The following PURA variants were observed in gnomAD, a reference collection of about 807,000 sequenced individuals.
The protein encoded by PURA is purine rich element binding protein A.
Under a neutral mutation model 23.1 loss-of-function variants are expected in PURA, and 2 were observed. The ratio of observed to expected loss-of-function variants is 0.09; its 90% CI spans 0.04 to 0.27. PURA has a LOEUF of 0.27. Ranked by LOEUF, PURA falls within the 10% of genes least tolerant of loss-of-function variation. The pLI is 1.00. For missense variants in PURA, 187 were observed against 449.7 expected (o/e 0.42, Z 5.28); for synonymous variants, 254 against 205.9 (o/e 1.23, Z -2.00).
rs529708511 is a variant in PURA, at chr5:140,118,009, G to C, written c.*2859G>C. 2 of 166,612 alleles carry C rather than the reference G, an allele frequency of 1.2e-5. No individual in the cohort carries two copies. The highest frequency in any genetic ancestry group is 2.9e-5 in the Non-Finnish European group (2 of 68,004). The allele number at this position is 166,612 out of a possible 1,614,324, so 10.3% of individuals were successfully genotyped here. The stretch of plus-strand genomic sequence containing the variant: ...CCCTACCCTTCCCTCCCAGGTGCTC[G>C]GTACTTTACCTAGTTTCTATATATC... On this transcript the variant is annotated 3_prime_UTR_variant, in exon 1 of 1. Transcript: ENST00000331327.
In PURA at chr5:140,114,336, G is replaced by A. The variant is rs763614822; in HGVS notation, c.155G>A (p.Gly52Glu). 1 of 1,471,972 alleles carries A rather than the reference G, an allele frequency of 6.8e-7. No homozygotes were observed. The allele number at this position is 1,471,972 out of a possible 1,614,324, so 91.2% of individuals were successfully genotyped here. A position where few individuals can be genotyped will look rare whatever the true frequency, so the allele number is the denominator to read the frequency against. ...GGCGGCGGCGGCGGCGGGGCCCCAG[G>A]GGGGCTGCAGCACGAGACGCAGGAG... ...GSGGGGGGAP[G>E]GLQHETQELA... Residue 52 changes from glycine (G) to glutamate (E), a missense_variant, in exon 1 of 1, where the codon GGG (glycine) becomes GAG (glutamate). By Grantham distance (98) the Gly-to-Glu change is moderately conservative. Around this residue, in one of 9 missense-constraint regions of PURA, gnomAD observed 27 missense variants for 55.2 expected, o/e 0.49. Coordinates refer to ENST00000331327, the MANE Select transcript of PURA (RefSeq NM_005859.5).
In PURA at chr5:140,114,832, G is replaced by T; in HGVS notation, c.651G>T (p.Glu217Asp). The T allele has an allele frequency of 1.2e-6, 2 of 1,614,208 alleles. No homozygotes were observed. Among genetic ancestry groups the T allele is most frequent in the Non-Finnish European group, 1.7e-6 (2 of 1,180,020 alleles). Reference protein sequence around the residue: ...DDYGVEEEPAELPEGTSLTVD... With the variant: ...DDYGVEEEPADLPEGTSLTVD... The stretch of plus-strand genomic sequence containing the variant: ...ACGGAGTGGAGGAGGAGCCGGCCGA[G>T]CTGCCCGAGGGCACCTCCTTGACTG... Residue 217 changes from glutamate (E) to aspartate (D), a missense_variant, in exon 1 of 1, where the codon GAG becomes GAT. Glu to Asp is a conservative substitution (Grantham distance 45). Coordinates refer to ENST00000331327, the MANE Select transcript of PURA (RefSeq NM_005859.5).
rs912326785 is a variant in PURA at position 140,125,034 on chromosome 5, A to G, written c.*9884A>G. ...TCTGCCCCCATTTCCCAGTCCTGGT[A>G]TAAAATGAATTACGGGTATCCCTCT... is the stretch of plus-strand genomic sequence containing the variant. On this transcript the variant is annotated 3_prime_UTR_variant, in exon 1 of 1. Coordinates refer to ENST00000331327, the MANE Select transcript of PURA (RefSeq NM_005859.5). 6.0e-6 allele frequency: 1 copy of G among 167,014 alleles called. No individual in the cohort carries two copies. Among genetic ancestry groups the G allele is most frequent in the African/African-American group, 2.4e-5 (1 of 41,416 alleles). 10.3% of individuals were successfully genotyped at this position (167,014 alleles called of 1,614,324 possible).
chr5:140,120,011 C>T lies in PURA; in HGVS notation c.*4861C>T, dbSNP rs1254626065. Reference sequence around the variant, plus strand: ...TTCTTCACCATAAAAAGTGAGATACCAAGTCTAATGACTTTTTTCCCTTTT... The same window carrying T: ...TTCTTCACCATAAAAAGTGAGATACTAAGTCTAATGACTTTTTTCCCTTTT... On this transcript the variant is annotated 3_prime_UTR_variant, in exon 1 of 1. Coordinates refer to ENST00000331327, the MANE Select transcript of PURA (RefSeq NM_005859.5). The T allele has an allele frequency of 1.8e-5, 3 of 166,654 alleles. No homozygotes were observed. Among genetic ancestry groups the T allele is most frequent in the Non-Finnish European group, 1.5e-5 (1 of 67,910 alleles). 10.3% of individuals were successfully genotyped at this position (166,654 alleles called of 1,614,324 possible).
rs1403097458 is a variant in PURA, at chr5:140,119,672, CTCAT to C, written c.*4528_*4531del. 1 of 166,730 alleles carries C rather than the reference CTCAT, an allele frequency of 6.0e-6. No individual in the cohort carries two copies. Among genetic ancestry groups the C allele is most frequent in the Non-Finnish European group, 1.5e-5 (1 of 67,936 alleles). The allele number at this position is 166,730 out of a possible 1,614,324, so 10.3% of individuals were successfully genotyped here. On this transcript the variant is annotated 3_prime_UTR_variant, in exon 1 of 1. Coordinates refer to ENST00000331327, the MANE Select transcript of PURA (RefSeq NM_005859.5). ...GTAACTTGACGTTTGGGGGGATTAT[CTCAT>C]TCATTTTTGTTTGTGTGCTTTTAAC...
Position 140,122,350 on chromosome 5 carries a change from A to G in PURA, c.*7200A>G, listed in dbSNP as rs962004762. The G allele has an allele frequency of 3.0e-5, 5 of 166,852 alleles. No homozygotes were observed. The highest frequency in any genetic ancestry group is 2.0e-4 in the Admixed American group (3 of 15,254). 10.3% of individuals were successfully genotyped at this position (166,852 alleles called of 1,614,324 possible). On this transcript the variant is annotated 3_prime_UTR_variant, in exon 1 of 1. Coordinates refer to ENST00000331327, the MANE Select transcript of PURA (RefSeq NM_005859.5). ...AATGTAGTTTACCTTTACTTTTCAA[A>G]TGGTCCTTAGATCAAATTATTTGAT... is the stretch of plus-strand genomic sequence containing the variant.
rs1260956851 is a variant in PURA at position 140,114,468 on chromosome 5, A to G, written c.287A>G (p.Asn96Ser). 14 of 1,612,602 alleles carry G rather than the reference A, an allele frequency of 8.7e-6. No homozygotes were observed. Among genetic ancestry groups the G allele is most frequent in the African/African-American group, 5.3e-5 (4 of 74,872 alleles). ...LKIAEVGAGGNKSRLTLSMSV... is the reference protein window; with the variant it reads ...LKIAEVGAGGSKSRLTLSMSV... ...ATCGCCGAGGTGGGCGCGGGCGGCA[A>G]CAAGAGCCGCCTTACTCTCTCCATG... Residue 96 changes from asparagine (N) to serine (S), a missense_variant, in exon 1 of 1, where the codon AAC becomes AGC. By Grantham distance (46) the Asn-to-Ser change is conservative (BLOSUM62 1). Around this residue, in one of 9 missense-constraint regions of PURA, gnomAD observed 24 missense variants for 75.2 expected, o/e 0.32. Transcript: ENST00000331327.
In PURA at chr5:140,116,120, GATGT is replaced by G. The variant is rs1283811287; in HGVS notation, c.*972_*975del. Reference sequence around the variant, plus strand: ...CGTTTTGTCATTATTGTGTATATGAGATGTACTTGTATCGTTCATAATATATTTT... The same window carrying G: ...CGTTTTGTCATTATTGTGTATATGAGACTTGTATCGTTCATAATATATTTT... On this transcript the variant is annotated 3_prime_UTR_variant, in exon 1 of 1. Coordinates refer to ENST00000331327, the MANE Select transcript of PURA (RefSeq NM_005859.5). 3 of 167,070 alleles carry G rather than the reference GATGT, an allele frequency of 1.8e-5. No individual in the cohort carries two copies. Among genetic ancestry groups the G allele is most frequent in the Non-Finnish European group, 4.4e-5 (3 of 68,108 alleles). 10.3% of individuals were successfully genotyped at this position (167,070 alleles called of 1,614,324 possible). A position where few individuals can be genotyped will look rare whatever the true frequency, so the allele number is the denominator to read the frequency against.
rs1244613218 is a variant in PURA at position 140,114,125 on chromosome 5, A to G, written c.-57A>G. 12 of 375,290 alleles carry G rather than the reference A, an allele frequency of 3.2e-5. No homozygotes were observed. The highest frequency in any genetic ancestry group is 1.1e-4 in the South Asian group (1 of 8,824). The allele number at this position is 375,290 out of a possible 1,614,324, so 23.2% of individuals were successfully genotyped here. A position where few individuals can be genotyped will look rare whatever the true frequency, so the allele number is the denominator to read the frequency against. On this transcript the variant is annotated 5_prime_UTR_variant, in exon 1 of 1. Transcript: ENST00000331327. Reference sequence around the variant, plus strand: ...AGGGAAAGCAGCGGCGGCTGAGGCGACTGAGGCGGCGGGCGGAGCGGCAGG... The same window carrying G: ...AGGGAAAGCAGCGGCGGCTGAGGCGGCTGAGGCGGCGGGCGGAGCGGCAGG...
chr5:140,114,700 G>T lies in PURA; in HGVS notation c.519G>T (p.Thr173=). The T allele has an allele frequency of 6.2e-7, 1 of 1,612,750 alleles. No homozygotes were observed. Among genetic ancestry groups the T allele is most frequent in the Non-Finnish European group, 8.5e-7 (1 of 1,179,810 alleles). The change falls in exon 1 of 1, where the codon ACG becomes ACT. Residue 173 remains threonine (T), a synonymous_variant. Coordinates refer to ENST00000331327, the MANE Select transcript of PURA (RefSeq NM_005859.5). ...QRGRFLRIRQ[T]VNRGPGLGST... Reference sequence around the variant, plus strand: ...GCCGCTTCCTGCGCATCCGCCAGACGGTCAACCGGGGGCCTGGCCTGGGCT... The same window carrying T: ...GCCGCTTCCTGCGCATCCGCCAGACTGTCAACCGGGGGCCTGGCCTGGGCT...
In PURA at chr5:140,123,606, T is replaced by G. The variant is rs1763174956; in HGVS notation, c.*8456T>G. The G allele has an allele frequency of 6.0e-6, 1 of 166,468 alleles. No individual in the cohort carries two copies. Among genetic ancestry groups the G allele is most frequent in the African/African-American group, 2.4e-5 (1 of 41,458 alleles). 10.3% of individuals were successfully genotyped at this position (166,468 alleles called of 1,614,324 possible). A position where few individuals can be genotyped will look rare whatever the true frequency, so the allele number is the denominator to read the frequency against. On this transcript the variant is annotated 3_prime_UTR_variant, in exon 1 of 1. Coordinates refer to ENST00000331327, the MANE Select transcript of PURA (RefSeq NM_005859.5). The stretch of plus-strand genomic sequence containing the variant: ...AATGTTAGCTGTATAAAACAAAAAT[T>G]TGTTCTGATAAAATTTTTAATATGG...
In PURA at chr5:140,121,545, TTCTC is replaced by T. The variant is rs768770221; in HGVS notation, c.*6400_*6403del. On this transcript the variant is annotated 3_prime_UTR_variant, in exon 1 of 1. Transcript: ENST00000331327. ...TCTCTCTCCTATCCTTTTTCTTTGTTTCTCTCTCCACTTTTACTCTTGCTGTAGG... is the reference window on the plus strand; with the variant it reads ...TCTCTCTCCTATCCTTTTTCTTTGTTTCTCCACTTTTACTCTTGCTGTAGG... The T allele has an allele frequency of 2.4e-5, 4 of 166,956 alleles. No homozygotes were observed. Among genetic ancestry groups the T allele is most frequent in the African/African-American group, 9.6e-5 (4 of 41,504 alleles). The allele number at this position is 166,956 out of a possible 1,614,324, so 10.3% of individuals were successfully genotyped here.
In PURA at chr5:140,114,308, AGTGGCGGCGGCGGCG is replaced by A; in HGVS notation, c.129_143del (p.Gly45_Gly49del). The A allele has an allele frequency of 7.8e-7, 1 of 1,288,426 alleles. No homozygotes were observed. The highest frequency in any genetic ancestry group is 2.7e-5 in the South Asian group (1 of 36,848). The allele number at this position is 1,288,426 out of a possible 1,614,324, so 79.8% of individuals were successfully genotyped here. On this transcript the variant is annotated inframe_deletion, in exon 1 of 1. Coordinates refer to ENST00000331327, the MANE Select transcript of PURA (RefSeq NM_005859.5). ...TGGTGGCGGCGGGGGCGGCGGCGGC[AGTGGCGGCGGCGGCG>A]GCGGGGCCCCAGGGGGGCTGCAGCA...
At position 140,117,063 on chromosome 5, in the gene PURA, G is replaced by C. The variant is rs1050967605; in HGVS notation, c.*1913G>C. ...TTGATTTGATATTTTTATGCTCCCT[G>C]GTTGAGTGTGTTGTCTTCGTTTTTG... On this transcript the variant is annotated 3_prime_UTR_variant, in exon 1 of 1. Transcript: ENST00000331327. The C allele has an allele frequency of 2.4e-5, 4 of 166,886 alleles. No homozygotes were observed. Among genetic ancestry groups the C allele is most frequent in the Admixed American group, 6.5e-5 (1 of 15,276 alleles). The allele number at this position is 166,886 out of a possible 1,614,324, so 10.3% of individuals were successfully genotyped here.
Position 140,114,248 on chromosome 5 carries a change from CACCCCG to C in PURA, c.68_73del (p.His23_Gly25delinsArg). 1 of 1,188,040 alleles carries C rather than the reference CACCCCG, an allele frequency of 8.4e-7. No individual in the cohort carries two copies. Among genetic ancestry groups the C allele is most frequent in the East Asian group, 3.6e-5 (1 of 27,772 alleles). The allele number at this position is 1,188,040 out of a possible 1,614,324, so 73.6% of individuals were successfully genotyped here. On this transcript the variant is annotated inframe_deletion, in exon 1 of 1. Coordinates refer to ENST00000331327, the MANE Select transcript of PURA (RefSeq NM_005859.5). The stretch of plus-strand genomic sequence containing the variant: ...GCTGGGTTCGGGCGGCTCCCTGGGG[CACCCCG>C]GCTCGGGCTCAGGCTCCGGCGGGGG...
In PURA at chr5:140,117,992, T is replaced by G. The variant is rs1443122143; in HGVS notation, c.*2842T>G. On this transcript the variant is annotated 3_prime_UTR_variant, in exon 1 of 1. Transcript: ENST00000331327. ...CTTCTGTTGCATCCTTTCCCTACCCTTCCCTCCCAGGTGCTCGGTACTTTA... is the reference window on the plus strand; with the variant it reads ...CTTCTGTTGCATCCTTTCCCTACCCGTCCCTCCCAGGTGCTCGGTACTTTA... 6.0e-6 allele frequency: 1 copy of G among 167,006 alleles called. No individual in the cohort carries two copies. Among genetic ancestry groups the G allele is most frequent in the Non-Finnish European group, 1.5e-5 (1 of 68,080 alleles). The allele number at this position is 167,006 out of a possible 1,614,324, so 10.3% of individuals were successfully genotyped here. A position where few individuals can be genotyped will look rare whatever the true frequency, so the allele number is the denominator to read the frequency against.
rs934927309 is a variant in PURA, at chr5:140,121,965, A to G, written c.*6815A>G. ...TTTACTAGAGGTAGGAAAAGGTACT[A>G]TGATGGAGTCCGAATGAGAGTTATT... On this transcript the variant is annotated 3_prime_UTR_variant, in exon 1 of 1. Coordinates refer to ENST00000331327, the MANE Select transcript of PURA (RefSeq NM_005859.5). 1 of 166,788 alleles carries G rather than the reference A, an allele frequency of 6.0e-6. No homozygotes were observed. Among genetic ancestry groups the G allele is most frequent in the Non-Finnish European group, 1.5e-5 (1 of 67,976 alleles). The allele number at this position is 166,788 out of a possible 1,614,324, so 10.3% of individuals were successfully genotyped here. A position where few individuals can be genotyped will look rare whatever the true frequency, so the allele number is the denominator to read the frequency against.
rs1405012102 is a variant in PURA at position 140,115,194 on chromosome 5, C to A, written c.*44C>A. The A allele has an allele frequency of 2.6e-6, 3 of 1,136,520 alleles. No homozygotes were observed. Among genetic ancestry groups the A allele is most frequent in the Non-Finnish European group, 3.7e-6 (3 of 810,546 alleles). 70.4% of individuals were successfully genotyped at this position (1,136,520 alleles called of 1,614,324 possible). A position where few individuals can be genotyped will look rare whatever the true frequency, so the allele number is the denominator to read the frequency against. On this transcript the variant is annotated 3_prime_UTR_variant, in exon 1 of 1. Coordinates refer to ENST00000331327, the MANE Select transcript of PURA (RefSeq NM_005859.5). This position sits in a 1 kb window ranked among gnomAD's most constrained non-coding sequence, Gnocchi z 4.1. ...CCACACACACACACATGCATACACA[C>A]ACACACACAGCCACACACACAGAAA...
rs1157280278 is a variant in PURA, at chr5:140,117,082, G to A, written c.*1932G>A. ...CTCCCTGGTTGAGTGTGTTGTCTTCGTTTTTGAGATCTACTGTATGTGTTG... is the reference window on the plus strand; with the variant it reads ...CTCCCTGGTTGAGTGTGTTGTCTTCATTTTTGAGATCTACTGTATGTGTTG... On this transcript the variant is annotated 3_prime_UTR_variant, in exon 1 of 1. Transcript: ENST00000331327. 6.0e-6 allele frequency: 1 copy of A among 166,886 alleles called. No individual in the cohort carries two copies. The highest frequency in any genetic ancestry group is 2.4e-5 in the African/African-American group (1 of 41,416). The allele number at this position is 166,886 out of a possible 1,614,324, so 10.3% of individuals were successfully genotyped here.
Sources: allele counts gnomAD v4.1 joint callset, GRCh38; gene constraint gnomAD v4.1.1; regional missense constraint gnomAD v4.1.1; non-coding constraint Gnocchi (gnomAD v3.1); transcripts MANE v1.5; gene names NCBI Gene and HGNC (gene_info 2026-07-23, HGNC 2026-07-21).